The following SYNC variants were observed in gnomAD, a reference collection of about 807,000 sequenced individuals.
SYNC encodes syncoilin.
Under a neutral mutation model 49.5 loss-of-function variants are expected in SYNC, and 38 were observed. The ratio of observed to expected loss-of-function variants is 0.77; its 90% CI spans 0.59 to 1.01. SYNC has a LOEUF of 1.01. Ranked by LOEUF, SYNC falls within the 50% of genes least tolerant of loss-of-function variation. The probability of loss-of-function intolerance (pLI) is 0.00; values close to 1 mark genes in which losing one functional copy is unlikely to be tolerated. For synonymous variants in SYNC, 201 were observed against 230.8 expected (o/e 0.87, Z 1.17); for missense variants, 579 against 580.6 (o/e 1.00, Z 0.03).
intron 1 of SYNC, among the ~76,000 whole-genome samples, chr1:32,700,561 G>A (rs1223830153): frequency 1.3e-5 from 2 of 152,138 alleles, no homozygotes; most frequent in Non-Finnish European, 2.9e-5. Context: ...GCTGGGTATG[G>A]TGGTGTGTGC....
At chr1:32,687,652 C>T (rs1649922522) in intron 2 of SYNC, among the ~76,000 whole-genome samples, 1 of 140,246 alleles carries the variant, frequency 7.1e-6, no homozygotes, top group South Asian at 2.4e-4. Flanking sequence ...AGCCTGGAGA[C>T]AGAGCGAGGC....
Position 32,696,015 on chromosome 1 carries a change from AGAG to A in SYNC, c.80_82del (p.Pro27del), listed in dbSNP as rs766349347. 37 of 1,538,386 alleles carry A rather than the reference AGAG, an allele frequency of 2.4e-5. No individual in the cohort carries two copies. The highest frequency in any genetic ancestry group is 1.7e-4 in the Middle Eastern group (1 of 6,012). ...ATTTAGGGATCCAGAGTTCTTTGGA[AGAG>A]GAGAATTGGCCTCTACTCTTGTTTT... On this transcript the variant is annotated inframe_deletion, in exon 2 of 5. Coordinates refer to ENST00000409190, the MANE Select transcript of SYNC (RefSeq NM_030786.3).
In SYNC at chr1:32,686,733, T is replaced by G. The variant is rs868370487; in HGVS notation, c.1234-2351A>C. 9.8e-5 allele frequency among the ~76,000 whole-genome samples: 15 copies of G among 152,300 alleles called. No individual in the cohort carries two copies. The South Asian group carries it at 3.1e-3, about 32-fold the overall frequency. ...TACTAGTTCATTCCTTGCAACCCTA[T>G]GGATATGGGAGTATTATTAATCTCA... On this transcript the variant is annotated intron_variant, in intron 2 of 4. Transcript: ENST00000409190.
Position 32,684,400 on chromosome 1 carries a change from G to T in SYNC, c.1234-18C>A. 6.2e-7 allele frequency: 1 copy of T among 1,613,966 alleles called. No individual in the cohort carries two copies. Among genetic ancestry groups the T allele is most frequent in the Non-Finnish European group, 8.5e-7 (1 of 1,179,998 alleles). Reference sequence around the variant, plus strand: ...AGCTGTTCCTGCATGAGATGGCCAAGAACATTTCTAATGAGCCAAACAATA... The same window carrying T: ...AGCTGTTCCTGCATGAGATGGCCAATAACATTTCTAATGAGCCAAACAATA... On this transcript the variant is annotated intron_variant, in intron 2 of 4. Transcript: ENST00000409190.
chr1:32,687,375 AAC>A (rs1649902393), intron 2 of SYNC, among the ~76,000 whole-genome samples: 1 of 150,052 alleles, frequency 6.7e-6, no homozygotes, highest in South Asian at 2.1e-4. Context: ...AAAAAAAAAA[AAC>A]CATAAAAGTG....
chr1:32,703,283 C>G (rs944453912), upstream of SYNC, among the ~76,000 whole-genome samples: 1 of 152,034 alleles, frequency 6.6e-6, no homozygotes, highest in African/African-American at 2.4e-5. Flanking sequence ...CAGCCTGGAG[C>G]CTGGGGGCGG....
intron 2 of SYNC, among the ~76,000 whole-genome samples, chr1:32,689,234 C>CTTTTTTTTTT (rs1557872500): frequency 1.1e-4 from 2 of 18,696 alleles, no homozygotes; most frequent in Non-Finnish European, 3.9e-4. Flanking sequence ...CCTCGCCTGG[C>CTTTTTTTTTT]CTTTTTTTTT....
upstream of SYNC, chr1:32,703,404 T>A (rs1030017513): frequency 7.2e-5 from 11 of 153,040 alleles, no homozygotes; most frequent in Non-Finnish European, 1.3e-4. Context: ...GGGGTCTCTC[T>A]CCTGCTCCAC....
intron 3 of SYNC, 49 bp from the exon 4 acceptor site, chr1:32,684,138 T>C: frequency 6.2e-7 from 1 of 1,607,698 alleles, no homozygotes; most frequent in African/African-American, 1.3e-5. Context: ...TAAGCACAAT[T>C]TGAAAATCAT....
At chr1:32,688,675 CT>C (rs1159577964) in intron 2 of SYNC, among the ~76,000 whole-genome samples, 2 of 152,262 alleles carry the variant, frequency 1.3e-5, no homozygotes, top group East Asian at 3.9e-4. Flanking sequence ...CAACCTCCAC[CT>C]TGCGGGTTCA....
Position 32,684,046 on chromosome 1 carries a change from T to C in SYNC, c.1402A>G (p.Thr468Ala). The change falls in exon 4 of 5, where the codon ACT becomes GCT. Residue 468 changes from threonine to alanine, a missense_variant. By Grantham distance (58) the Thr-to-Ala change is moderately conservative. Coordinates refer to ENST00000409190, the MANE Select transcript of SYNC (RefSeq NM_030786.3). ...PKSLEQADAP[T>A]SQAGGMETQS... ...GTCTCCATTCCACCTGCCTGAGAAG[T>C]GGGAGCATCAGCCTGTTCCAGGCTC... is the stretch of plus-strand genomic sequence containing the variant. 2 of 1,614,222 alleles carry C rather than the reference T, an allele frequency of 1.2e-6. No individual in the cohort carries two copies. Among genetic ancestry groups the C allele is most frequent in the Non-Finnish European group, 1.7e-6 (2 of 1,180,040 alleles).
At chr1:32,697,658 G>C (rs1454969081) in intron 1 of SYNC, among the ~76,000 whole-genome samples, 1 of 150,010 alleles carries the variant, frequency 6.7e-6, no homozygotes, top group African/African-American at 2.5e-5. Context: ...AATCACCTGA[G>C]CCTGGGAGGT....
Position 32,702,040 on chromosome 1 carries a change from C to T in SYNC, c.53+568G>A, listed in dbSNP as rs1025555637. 6.6e-6 allele frequency among the ~76,000 whole-genome samples: 1 copy of T among 152,182 alleles called. No individual in the cohort carries two copies. Among genetic ancestry groups the T allele is most frequent in the Non-Finnish European group, 1.5e-5 (1 of 68,030 alleles). ...CAGTATGACCTGGGACAGAAATACA[C>T]CTCACCCCAAACCCCTCAGCCACAG... On this transcript the variant is annotated intron_variant, in intron 1 of 4. Coordinates refer to ENST00000409190, the MANE Select transcript of SYNC (RefSeq NM_030786.3). The surrounding 1 kb of genome is among the most constrained non-coding windows in gnomAD (Gnocchi z 6.2).
chr1:32,691,711 TTTAAA>T (rs1650176202), intron 2 of SYNC, among the ~76,000 whole-genome samples: 1 of 152,196 alleles, frequency 6.6e-6, no homozygotes, highest in Non-Finnish European at 1.5e-5. Flanking sequence ...ATAAAATATA[TTTAAA>T]TTAATTTTAC....
intron 2 of SYNC, among the ~76,000 whole-genome samples, chr1:32,687,843 A>ATTATTATTATTAT (rs1649945270): frequency 6.8e-5 from 2 of 29,596 alleles, no homozygotes; most frequent in Admixed American, 6.1e-4. Context: ...AATTATTATT[A>ATTATTATTATTAT]TTATTATTAT....
intron 4 of SYNC, chr1:32,683,725 C>G (rs1649607287): frequency 3.1e-6 from 1 of 326,248 alleles, no homozygotes; most frequent in Non-Finnish European, 5.8e-6. Flanking sequence ...CCTCTGCCTC[C>G]TGGTTCAAGC....
chr1:32,684,338 A>C lies in SYNC; in HGVS notation c.1278T>G (p.Asn426Lys). The C allele has an allele frequency of 3.1e-6, 5 of 1,614,132 alleles. No individual in the cohort carries two copies. The highest frequency in any genetic ancestry group is 4.2e-6 in the Non-Finnish European group (5 of 1,180,034). ...EMEERQRQLR[N>K]GVQLQQQKNK... ...TCTTCTGTTGCTGGAGTTGCACCCCATTTCTTAACTGCCTCTGGCGTTCTT... is the reference window on the plus strand; with the variant it reads ...TCTTCTGTTGCTGGAGTTGCACCCCCTTTCTTAACTGCCTCTGGCGTTCTT... The change falls in exon 3 of 5, where the codon AAT (asparagine) becomes AAG (lysine). Residue 426 changes from asparagine (N) to lysine (K), a missense_variant. Coordinates refer to ENST00000409190, the MANE Select transcript of SYNC (RefSeq NM_030786.3).
chr1:32,697,981 G>A (rs1315887866), intron 1 of SYNC, among the ~76,000 whole-genome samples: 3 of 152,138 alleles, frequency 2.0e-5, no homozygotes, highest in Non-Finnish European at 4.4e-5. Context: ...CCAGCACTTT[G>A]GGAGGCCAAG....
Position 32,695,706 on chromosome 1 carries a change from G to A in SYNC, c.392C>T (p.Thr131Ile), listed in dbSNP as rs1235841143. 8 of 1,551,436 alleles carry A rather than the reference G, an allele frequency of 5.2e-6. No individual in the cohort carries two copies. In the African/African-American group the frequency reaches 5.5e-5, roughly 11 times the overall value. The change falls in exon 2 of 5, where the codon ACA (threonine) becomes ATA (isoleucine). Residue 131 changes from threonine (T) to isoleucine (I), a missense_variant. By Grantham distance (89) the Thr-to-Ile change is moderately conservative. Transcript: ENST00000409190. The stretch of plus-strand genomic sequence containing the variant: ...CTCATAAACAACGTGCTCTGGGCTT[G>A]TGGGCTTTCCTGGCTCCACGGGCCC... ...VEGPVEPGKP[T>I]SPEHVVYEGE...
Sources: gnomAD v4.1 joint callset for allele counts (sites outside exome capture counted in the v4.1 genomes callset) on GRCh38, gnomAD v4.1.1 for gene constraint, Gnocchi (gnomAD v3.1) non-coding constraint, MANE v1.5 for transcripts, NCBI Gene and HGNC (gene_info 2026-07-23, HGNC 2026-07-21) for gene names.